Variants in ZNF681 observed in about 807,000 individuals in gnomAD.
ZNF681 encodes the protein hypothetical protein FLJ31526.
Under a neutral mutation model 56.0 loss-of-function variants are expected in ZNF681, and 37 were observed. The ratio of observed to expected loss-of-function variants is 0.66; its 90% confidence interval spans 0.51 to 0.87. The LOEUF is 0.87. ZNF681 is among the 40% of genes least tolerant of loss of function. The pLI is 0.00. For missense variants in ZNF681, 741 were observed against 744.9 expected (o/e 0.99, Z 0.06); for synonymous variants, 225 against 248.6 (o/e 0.91, Z 0.89).
In ZNF681 at chr19:23,744,658, T is replaced by C; in HGVS notation, c.892A>G (p.Thr298Ala). The C allele has an allele frequency of 1.9e-6, 3 of 1,596,538 alleles. No individual in the cohort carries two copies. Among genetic ancestry groups the C allele is most frequent in the South Asian group, 1.1e-5 (1 of 90,098 alleles). Residue 298 changes from threonine (T) to alanine (A), a missense_variant, in exon 4 of 4, where the codon ACT (threonine) becomes GCT (alanine). Transcript: ENST00000402377. ...CTGGTATGAATTATCTTATGTGTAGTAAGGGTTAAGGACTGATTAAAGGCT... is the reference window on the plus strand; with the variant it reads ...CTGGTATGAATTATCTTATGTGTAGCAAGGGTTAAGGACTGATTAAAGGCT... ...DKAFNQSLTL[T>A]THKIIHTREK... is the part of the protein sequence containing the mutation.
At chr19:23,754,126 C>T (rs1220215861) in intron 3 of ZNF681, among the ~76,000 whole-genome samples, 1 of 7,466 alleles carries the variant, frequency 1.3e-4, no homozygotes, top group Non-Finnish European at 1.1e-3. Context: ...GAACAAAAAC[C>T]TACTACTCTC....
chr19:23,754,585 G>C (rs1461579597), intron 3 of ZNF681, among the ~76,000 whole-genome samples: 1 of 152,162 alleles, frequency 6.6e-6, no homozygotes, highest in Admixed American at 6.5e-5. Context: ...AGAATCGCTT[G>C]AACCTGGAGA....
Position 23,743,720 on chromosome 19 carries a change from TTTC to T in ZNF681, c.1827_1829del (p.Lys610del). 6.2e-7 allele frequency: 1 copy of T among 1,612,748 alleles called. No homozygotes were observed. On this transcript the variant is annotated inframe_deletion, in exon 4 of 4. Coordinates refer to ENST00000402377, the MANE Select transcript of ZNF681 (RefSeq NM_138286.3). ...TGTAGAGTTTCTCACCAGTATGAATTTTCTTATGTCCAGTAAGGTTTGAGGACT... is the reference window on the plus strand; with the variant it reads ...TGTAGAGTTTCTCACCAGTATGAATTTTATGTCCAGTAAGGTTTGAGGACT...
intron 3 of ZNF681, among the ~76,000 whole-genome samples, chr19:23,747,280 A>G (rs1173881847): frequency 6.6e-6 from 1 of 152,196 alleles, no homozygotes; most frequent in East Asian, 1.9e-4. Context: ...GGGTCAAAAA[A>G]TTTAATTTTT....
At chr19:23,749,578 A>G (rs940079530) in intron 3 of ZNF681, among the ~76,000 whole-genome samples, 1 of 151,302 alleles carries the variant, frequency 6.6e-6, no homozygotes, top group Non-Finnish European at 1.5e-5. Flanking sequence ...AAGAGCTGGG[A>G]CCACAGGTGC....
intron 3 of ZNF681, among the ~76,000 whole-genome samples, chr19:23,749,159 C>A (rs1968988142): frequency 6.6e-6 from 1 of 151,948 alleles, no homozygotes; most frequent in African/African-American, 2.4e-5. Context: ...TATTATTCAG[C>A]CTTAAAAAAA....
intron 3 of ZNF681, among the ~76,000 whole-genome samples, chr19:23,745,873 G>A (rs1239589036): frequency 1.3e-5 from 2 of 152,176 alleles, no homozygotes; most frequent in African/African-American, 4.8e-5. Context: ...AGAATGCAAA[G>A]AGCCACATAG....
At chr19:23,758,472 C>T (rs1259007637) in intron 1 of ZNF681, among the ~76,000 whole-genome samples, 1 of 152,234 alleles carries the variant, frequency 6.6e-6, no homozygotes, top group Non-Finnish European at 1.5e-5. Context: ...TGACGACCCT[C>T]CCGTGGTCCC....
chr19:23,749,494 T>TGC (rs1485815571), intron 3 of ZNF681, among the ~76,000 whole-genome samples: 1 of 151,958 alleles, frequency 6.6e-6, no homozygotes, highest in African/African-American at 2.4e-5. Flanking sequence ...TAAGGTGGAG[T>TGC]GCAGTGGCAC....
At chr19:23,755,976 C>G (rs1170183559) in intron 1 of ZNF681, among the ~76,000 whole-genome samples, 1 of 152,038 alleles carries the variant, frequency 6.6e-6, no homozygotes, top group Non-Finnish European at 1.5e-5. Flanking sequence ...TACCATTTGA[C>G]CCAGTGATAC....
chr19:23,754,103 T>G (rs1969077557), intron 3 of ZNF681, among the ~76,000 whole-genome samples: 1 of 139,208 alleles, frequency 7.2e-6, no homozygotes. Context: ...CAGGACGGAA[T>G]ATGCAGAAAA....
intron 3 of ZNF681, among the ~76,000 whole-genome samples, chr19:23,750,283 C>CAAAA (rs74175768): frequency 9.4e-5 from 3 of 31,762 alleles, no homozygotes; most frequent in Non-Finnish European, 1.6e-4. Flanking sequence ...GACTCCAACT[C>CAAAA]AAAAAAAAAA....
At position 23,744,878 on chromosome 19, in the gene ZNF681, T is replaced by C. The variant is rs749681721; in HGVS notation, c.672A>G (p.Lys224=). ...TGCCACATTCTTCACATATGTACGATTTCTCTCCAATATGAATTCTTTTAT... is the reference window on the plus strand; with the variant it reads ...TGCCACATTCTTCACATATGTACGACTTCTCTCCAATATGAATTCTTTTAT... ...TKHKRIHIGE[K]SYICEECGKA... The change falls in exon 4 of 4, where the codon AAA becomes AAG. Residue 224 remains lysine, a synonymous_variant. Transcript: ENST00000402377. 1.2e-6 allele frequency: 2 copies of C among 1,612,928 alleles called. No homozygotes were observed. The highest frequency in any genetic ancestry group is 1.1e-5 in the South Asian group (1 of 90,802).
chr19:23,742,790 C>G lies in ZNF681; in HGVS notation c.*822G>C, dbSNP rs532149957. On this transcript the variant is annotated 3_prime_UTR_variant, in exon 4 of 4. Transcript: ENST00000402377. The stretch of plus-strand genomic sequence containing the variant: ...AATACAATAGGAATGAAGAGCATAA[C>G]TTGAGTTAAATGACATTATTCACTT... 6.6e-6 allele frequency: 1 copy of G among 152,234 alleles called. No homozygotes were observed. The highest frequency in any genetic ancestry group is 2.1e-4 in the South Asian group (1 of 4,832). 9.4% of individuals were successfully genotyped at this position (152,234 alleles called of 1,614,324 possible).
In ZNF681 at chr19:23,744,769, T is replaced by G. The variant is rs1404039170; in HGVS notation, c.781A>C (p.Lys261Gln). 6 of 1,612,982 alleles carry G rather than the reference T, an allele frequency of 3.7e-6. No individual in the cohort carries two copies. Among genetic ancestry groups the G allele is most frequent in the Non-Finnish European group, 5.1e-6 (6 of 1,179,502 alleles). The change falls in exon 4 of 4, where the codon AAA (lysine) becomes CAA (glutamine). Residue 261 changes from lysine (K) to glutamine (Q), a missense_variant. By Grantham distance (53) the Lys-to-Gln change is moderately conservative (BLOSUM62 1). Transcript: ENST00000402377. ...ATGTGTGACGACAGGTTAAAGGCTT[T>G]GCTACATTCTTCACGTTTGTAGAGT... ...DKLYKREECS[K>Q]AFNLSSHITT... is the part of the protein sequence containing the mutation.
intron 3 of ZNF681, 61 bp from the exon 4 acceptor site, chr19:23,745,384 A>G: frequency 2.3e-6 from 3 of 1,310,038 alleles, no homozygotes; most frequent in Non-Finnish European, 3.0e-6. Flanking sequence ...TACTTTACAA[A>G]TCCAACCTAT....
chr19:23,758,283 T>C (rs543667826), intron 1 of ZNF681, among the ~76,000 whole-genome samples: 1 of 152,378 alleles, frequency 6.6e-6, no homozygotes, highest in East Asian at 1.9e-4. Context: ...CAAATGTCTG[T>C]AATTACACCT....
intron 1 of ZNF681, among the ~76,000 whole-genome samples, chr19:23,758,485 C>A (rs1969159180): frequency 6.6e-6 from 1 of 152,332 alleles, no homozygotes; most frequent in East Asian, 1.9e-4. Context: ...GTGGTCCCTG[C>A]ACAATCTGGG....
Position 23,745,240 on chromosome 19 carries a change from C to T in ZNF681, c.310G>A (p.Gly104Arg). The change falls in exon 4 of 4, where the codon GGA becomes AGA. Residue 104 changes from glycine to arginine, a missense_variant. Transcript: ENST00000402377. ...SFQKVTPRRY[G>R]KCEHENLQLS... The stretch of plus-strand genomic sequence containing the variant: ...TGTAAATTCTCATGTTCACATTTTC[C>T]ATATCTTCTTGGTGTCACTTTTTGG... 1 of 1,610,672 alleles carries T rather than the reference C, an allele frequency of 6.2e-7. No individual in the cohort carries two copies.
Sources: allele counts gnomAD v4.1 joint callset (sites outside exome capture counted in the v4.1 genomes callset), GRCh38; gene constraint gnomAD v4.1.1; transcripts MANE v1.5; gene names NCBI Gene and HGNC (gene_info 2026-07-23, HGNC 2026-07-21).